NLRP4: variants seen among roughly 807,000 people sequenced by gnomAD.
The protein encoded by NLRP4 is NLR family pyrin domain containing 4.
Under a neutral mutation model 84.7 loss-of-function variants are expected in NLRP4, and 44 were observed. The ratio of observed to expected loss-of-function variants is 0.52; its 90% CI spans 0.41 to 0.67. NLRP4 has a LOEUF of 0.67. Among genes scored for constraint, NLRP4 ranks in the 30% least tolerant of loss-of-function variants. The probability of loss-of-function intolerance (pLI) is 0.00; values close to 1 mark genes in which losing one functional copy is unlikely to be tolerated. For missense variants in NLRP4, 1,260 were observed against 1,219.4 expected (o/e 1.03, Z -0.50); for synonymous variants, 544 against 476.4 (o/e 1.14, Z -1.85).
chr19:55,853,830 T>A (rs2123022922), intron 2 of NLRP4, among the ~76,000 whole-genome samples: 1 of 151,962 alleles, frequency 6.6e-6, no homozygotes, highest in African/African-American at 2.4e-5. Context: ...TTGCTGTCTC[T>A]TTCTCTCTCT....
intron 1 of NLRP4, among the ~76,000 whole-genome samples, chr19:55,845,258 T>C (rs1312081015): frequency 6.8e-6 from 1 of 145,990 alleles, no homozygotes; most frequent in Non-Finnish European, 1.5e-5. Flanking sequence ...TTCCCACCTA[T>C]GAGTGAGAAC....
At chr19:55,853,962 T>C (rs1005315198) in intron 2 of NLRP4, among the ~76,000 whole-genome samples, 1 of 151,618 alleles carries the variant, frequency 6.6e-6, no homozygotes, top group Non-Finnish European at 1.5e-5. Flanking sequence ...TCTCTATTTC[T>C]CTCTTTCCTT....
rs200294507 is a variant in NLRP4, at chr19:55,858,849, G to A, written c.1456G>A (p.Ala486Thr). 1.2e-6 allele frequency: 2 copies of A among 1,614,138 alleles called. No homozygotes were observed. Among genetic ancestry groups the A allele is most frequent in the South Asian group, 2.2e-5 (2 of 91,080 alleles). The change falls in exon 3 of 10, where the codon GCC becomes ACC. Residue 486 changes from alanine (A) to threonine (T), a missense_variant. Physicochemically the swap from Ala to Thr is moderately conservative, Grantham distance 58 (BLOSUM62 0). Around this residue, in one of 3 missense-constraint regions of NLRP4, gnomAD observed 712 missense variants for 669.2 expected, o/e 1.06. Transcript: ENST00000301295. This position sits in a 1 kb window ranked among gnomAD's most constrained non-coding sequence, Gnocchi z 4.2. ...GAGATGTGTACAGGAATTGCTAGTTGCCAATTTTGAAAAAGCAAGGAGAGC... is the reference window on the plus strand; with the variant it reads ...GAGATGTGTACAGGAATTGCTAGTTACCAATTTTGAAAAAGCAAGGAGAGC... Reference protein sequence around the residue: ...AVRCVQELLVANFEKARRAHW... With the variant: ...AVRCVQELLVTNFEKARRAHW...
intron 1 of NLRP4, among the ~76,000 whole-genome samples, chr19:55,839,707 A>G (rs373879): frequency 0.15 from 23,191 of 151,944 alleles, 1,969 homozygotes; most frequent in East Asian, 0.22. Flanking sequence ...TCCAGTTTGT[A>G]TTTTCAAAGA....
intron 2 of NLRP4, among the ~76,000 whole-genome samples, chr19:55,853,286 T>C (rs1048209027): frequency 1.3e-5 from 2 of 152,252 alleles, no homozygotes; most frequent in African/African-American, 4.8e-5. Context: ...GATTCTTTAA[T>C]ATTCTTGCAT....
intron 1 of NLRP4, among the ~76,000 whole-genome samples, chr19:55,851,745 A>C (rs984717268): frequency 6.6e-6 from 1 of 152,178 alleles, no homozygotes; most frequent in Admixed American, 6.5e-5. Context: ...GCTGCGGTGT[A>C]ATTTCCAAAA....
intron 7 of NLRP4, among the ~76,000 whole-genome samples, chr19:55,876,267 C>T (rs1985367007): frequency 6.6e-6 from 1 of 152,148 alleles, no homozygotes; most frequent in African/African-American, 2.4e-5. Flanking sequence ...ATTCAGTTGT[C>T]CCTCCATATC....
At chr19:55,840,171 A>G (rs973387517) in intron 1 of NLRP4, among the ~76,000 whole-genome samples, 3 of 152,310 alleles carry the variant, frequency 2.0e-5, no homozygotes, top group African/African-American at 7.2e-5. Flanking sequence ...GTCTGTGTCC[A>G]CAAGGTAAAA....
intron 9 of NLRP4, among the ~76,000 whole-genome samples, chr19:55,879,361 C>A (rs902025113): frequency 2.0e-5 from 3 of 152,050 alleles, no homozygotes; most frequent in African/African-American, 7.3e-5. Context: ...ATTGCCCGAT[C>A]CATGGTGAAA....
chr19:55,868,131 A>G (rs572282342), intron 6 of NLRP4, among the ~76,000 whole-genome samples: 1 of 152,374 alleles, frequency 6.6e-6, no homozygotes, highest in South Asian at 2.1e-4. Flanking sequence ...GAGACTGTCT[A>G]TACAGAACAC....
intron 5 of NLRP4, 85 bp from the exon 6 acceptor site, chr19:55,867,624 G>C (rs1219182284): frequency 5.6e-5 from 70 of 1,259,148 alleles, no homozygotes; most frequent in Non-Finnish European, 7.5e-5. Context: ...GCAAATGTGG[G>C]CTTCCCGACT....
At chr19:55,857,537 G>C in intron 2 of NLRP4, 137 bp from the exon 3 acceptor site, 1 of 679,392 alleles carries the variant, frequency 1.5e-6, no homozygotes, top group Non-Finnish European at 2.5e-6. Context: ...TTATTTACAA[G>C]AGGAGACTGA....
At chr19:55,838,879 TACAC>T (rs1350741900) in intron 1 of NLRP4, among the ~76,000 whole-genome samples, 1 of 152,106 alleles carries the variant, frequency 6.6e-6, no homozygotes, top group African/African-American at 2.4e-5. Flanking sequence ...GTACAGATCT[TACAC>T]TTAATGGACT....
In NLRP4 at chr19:55,881,658, C is replaced by G; in HGVS notation, c.*71C>G. The G allele has an allele frequency of 1.4e-6, 1 of 727,264 alleles. No homozygotes were observed. The highest frequency in any genetic ancestry group is 2.4e-6 in the Non-Finnish European group (1 of 410,674). The allele number at this position is 727,264 out of a possible 1,614,324, so 45.1% of individuals were successfully genotyped here. A position where few individuals can be genotyped will look rare whatever the true frequency, so the allele number is the denominator to read the frequency against. ...GACTGGGACCGTTACTTACATGACACTGCACCCAGGAGATACAAATCATTG... is the reference window on the plus strand; with the variant it reads ...GACTGGGACCGTTACTTACATGACAGTGCACCCAGGAGATACAAATCATTG... On this transcript the variant is annotated 3_prime_UTR_variant, in exon 10 of 10. Coordinates refer to ENST00000301295, the MANE Select transcript of NLRP4 (RefSeq NM_134444.5).
At chr19:55,851,112 T>TGGCTGCGGTGTAATGTCCGA (rs1984111793) in intron 1 of NLRP4, among the ~76,000 whole-genome samples, 1 of 34,300 alleles carries the variant, frequency 2.9e-5, no homozygotes, top group Non-Finnish European at 5.3e-5. Flanking sequence ...GTAATGTCCG[T>TGGCTGCGGTGTAATGTCCGA]GGCTGCGGTG....
chr19:55,848,235 G>T (rs1199470375), intron 1 of NLRP4, among the ~76,000 whole-genome samples: 4 of 152,144 alleles, frequency 2.6e-5, no homozygotes, highest in African/African-American at 7.2e-5. Flanking sequence ...CTTTGAGGAG[G>T]AAGACCACGA....
chr19:55,870,920 C>T lies in NLRP4; in HGVS notation c.2448C>T (p.Ala816=). 6.2e-7 allele frequency: 1 copy of T among 1,613,936 alleles called. No individual in the cohort carries two copies. Among genetic ancestry groups the T allele is most frequent in the Non-Finnish European group, 8.5e-7 (1 of 1,179,808 alleles). The change falls in exon 7 of 10, where the codon GCC becomes GCT. Residue 816 remains alanine (A), a synonymous_variant. Transcript: ENST00000301295. ...NKSVRYLDLS[A]NVLKDEGLKT... ...GCGTGCGCTATCTAGACCTCAGTGC[C>T]AATGTCCTGAAGGACGAAGGACTGA...
At chr19:55,867,992 A>AG in intron 6 of NLRP4, 116 bp downstream of exon 6, 1 of 886,610 alleles carries the variant, frequency 1.1e-6, no homozygotes, top group Non-Finnish European at 1.8e-6. Context: ...TTAAAAGCTC[A>AG]CGCTTAAGAA....
chr19:55,848,569 A>C (rs1412724992), intron 1 of NLRP4, among the ~76,000 whole-genome samples: 3 of 151,892 alleles, frequency 2.0e-5, no homozygotes, highest in Admixed American at 6.6e-5. Flanking sequence ...ACATCCGGCT[A>C]ATTTTTTGTA....
Sources: gnomAD v4.1 joint callset for allele counts (sites outside exome capture counted in the v4.1 genomes callset) on GRCh38, gnomAD v4.1.1 for gene constraint, gnomAD v4.1.1 regional missense constraint, Gnocchi (gnomAD v3.1) non-coding constraint, MANE v1.5 for transcripts, NCBI Gene and HGNC (gene_info 2026-07-23, HGNC 2026-07-21) for gene names.